The following CNTROB variants were observed in gnomAD, a reference collection of about 807,000 sequenced individuals.
CNTROB encodes centrobin.
Under a neutral mutation model 115.7 loss-of-function variants are expected in CNTROB, and 82 were observed. The ratio of observed to expected loss-of-function variants is 0.71; its 90% CI spans 0.59 to 0.85. The LOEUF (loss-of-function observed/expected upper bound fraction) is 0.85. Ranked by LOEUF, CNTROB falls within the 40% of genes least tolerant of loss-of-function variation. The pLI, the probability that CNTROB is intolerant of heterozygous loss-of-function variation, is 0.00. For missense variants in CNTROB, 1,014 were observed against 1,144.4 expected, an observed-to-expected ratio of 0.89 and a Z score of 1.64; for synonymous variants, 439 against 456.4, an observed-to-expected ratio of 0.96 and a Z score of 0.49.
chr17:7,943,628 C>A lies in CNTROB; in HGVS notation c.1445+104C>A. 7.9e-7 allele frequency: 1 copy of A among 1,262,828 alleles called. No individual in the cohort carries two copies. Among genetic ancestry groups the A allele is most frequent in the Non-Finnish European group, 1.1e-6 (1 of 929,888 alleles). 78.2% of individuals were successfully genotyped at this position (1,262,828 alleles called of 1,614,324 possible). On this transcript the variant is annotated intron_variant, in intron 10 of 18. Transcript: ENST00000563694. The surrounding 1 kb of genome is among the most constrained non-coding windows in gnomAD (Gnocchi z 4.7). The stretch of plus-strand genomic sequence containing the variant: ...CCTTTGCCATGGTCCAGCACTGTGA[C>A]TCCCAGGGTGCGCTAACTCCCATCA...
rs150125113 is a variant in CNTROB, at chr17:7,944,600, C to A, written c.1696C>A (p.Gln566Lys). ...GCAGGCCCACTGGGATGAGGCCAAC[C>A]AGCTGCTCAGCACCACTCTCCCGCC... The part of the protein sequence containing the change: ...MLQAHWDEAN[Q>K]LLSTTLPPPN... Residue 566 changes from glutamine (Q) to lysine (K), a missense_variant, in exon 12 of 19, where the codon CAG becomes AAG. Gln to Lys is a moderately conservative substitution (Grantham distance 53). Coordinates refer to ENST00000563694, the MANE Select transcript of CNTROB (RefSeq NM_053051.5). This position sits in a 1 kb window ranked among gnomAD's most constrained non-coding sequence, Gnocchi z 4.0. 70 of 1,613,922 alleles carry A rather than the reference C, an allele frequency of 4.3e-5. No individual in the cohort carries two copies. In the African/African-American group the frequency reaches 8.1e-4, roughly 19 times the overall value.
At position 7,933,246 on chromosome 17, in the gene CNTROB, TG is replaced by T. The variant is rs1972731722; in HGVS notation, c.168del (p.Tyr57IlefsTer12). On this transcript the variant is annotated frameshift_variant, in exon 1 of 19. Coordinates refer to ENST00000563694, the MANE Select transcript of CNTROB (RefSeq NM_053051.5). LOFTEE classifies it high-confidence loss of function. ...GCGGAGGCCACGGCCCGAGCCCAGC[TG>T]TATTTACCCTCCACCTCCCCGCCTC... ...RQAEATARAQ[L>X]YLPSTSPPHE... 9.9e-6 allele frequency: 16 copies of T among 1,614,248 alleles called. No homozygotes were observed. Among genetic ancestry groups the T allele is most frequent in the Non-Finnish European group, 1.4e-5 (16 of 1,180,052 alleles).
rs1269315798 is a variant in CNTROB at position 7,947,492 on chromosome 17, A to T, written c.1994-79A>T. 8 of 1,363,700 alleles carry T rather than the reference A, an allele frequency of 5.9e-6. No individual in the cohort carries two copies. The East Asian group carries it at 1.9e-4, about 32-fold the overall frequency. 84.5% of individuals were successfully genotyped at this position (1,363,700 alleles called of 1,614,324 possible). A position where few individuals can be genotyped will look rare whatever the true frequency, so the allele number is the denominator to read the frequency against. The stretch of plus-strand genomic sequence containing the variant: ...TTTAATAGGCCCCTTTCTTCTGAGT[A>T]TTAGGTGAGTTGATTTGTGGAGAAG... On this transcript the variant is annotated intron_variant, in intron 13 of 18. Transcript: ENST00000563694.
chr17:7,946,135 AT>A, intron 13 of CNTROB, 149 bp downstream of exon 13: 1 of 699,106 alleles, frequency 1.4e-6, no homozygotes, highest in Middle Eastern at 4.0e-4. Context: ...ATCTGCTCAC[AT>A]TGGTCCAAAT....
chr17:7,939,481 C>T lies in CNTROB; in HGVS notation c.928-32C>T. The stretch of plus-strand genomic sequence containing the variant: ...AGATCGCTGGTCTCTGAAGAGCCTA[C>T]TAAGGAGCTTGGTTTTCTTCTGCGG... On this transcript the variant is annotated intron_variant, in intron 7 of 18. Coordinates refer to ENST00000563694, the MANE Select transcript of CNTROB (RefSeq NM_053051.5). The surrounding 1 kb of genome is among the most constrained non-coding windows in gnomAD (Gnocchi z 4.4). 6.3e-7 allele frequency: 1 copy of T among 1,592,190 alleles called. No homozygotes were observed. Among genetic ancestry groups the T allele is most frequent in the Non-Finnish European group, 8.6e-7 (1 of 1,160,762 alleles).
chr17:7,934,055 G>T, intron 1 of CNTROB, 83 bp from the exon 2 acceptor site: 2 of 1,138,316 alleles, frequency 1.8e-6, no homozygotes, highest in Non-Finnish European at 1.3e-6. Context: ...TTTCCAAAGT[G>T]CTGGAGTGAA....
Position 7,936,801 on chromosome 17 carries a change from G to C in CNTROB, c.812G>C (p.Arg271Thr), listed in dbSNP as rs765343755. ...QEEHQAAELT[R>T]SKQQETVTRL... Reference sequence around the variant, plus strand: ...GAACACCAGGCAGCAGAGCTCACCAGAAGCAAGCAGCAGGAGGTGAGCGCC... The same window carrying C: ...GAACACCAGGCAGCAGAGCTCACCACAAGCAAGCAGCAGGAGGTGAGCGCC... Residue 271 changes from arginine (R) to threonine (T), a missense_variant, in exon 6 of 19, where the codon AGA (arginine) becomes ACA (threonine). Arg to Thr is a moderately conservative substitution (Grantham distance 71). Coordinates refer to ENST00000563694, the MANE Select transcript of CNTROB (RefSeq NM_053051.5). The C allele has an allele frequency of 4.3e-6, 6 of 1,407,820 alleles. No homozygotes were observed. The highest frequency in any genetic ancestry group is 2.3e-5 in the South Asian group (2 of 86,930). 87.2% of individuals were successfully genotyped at this position (1,407,820 alleles called of 1,614,324 possible).
chr17:7,940,045 C>T (rs1973666594), intron 8 of CNTROB, 51 bp from the exon 9 acceptor site: 1 of 1,521,786 alleles, frequency 6.6e-7, no homozygotes, highest in Admixed American at 2.1e-5. Context: ...GTGTAGGTAA[C>T]CAGGAGATAA....
chr17:7,941,596 C>T (rs1356446304), intron 9 of CNTROB, among the ~76,000 whole-genome samples: 5 of 87,030 alleles, frequency 5.7e-5, no homozygotes. Context: ...GAGACTCCAT[C>T]TCAAAAAAAA....
Position 7,936,704 on chromosome 17 carries a change from C to A in CNTROB, c.715C>A (p.Leu239Met). ...CATCTTACTTGCCCTACCTAAGACC[C>A]TGGCCCGTGTGGTGGAGGGCTGGAA... ...DTMIEQLDKT[L>M]ARVVEGWNRH... Residue 239 changes from leucine to methionine, a missense_variant, in exon 6 of 19, where the codon CTG becomes ATG. By Grantham distance (15) the Leu-to-Met change is conservative (BLOSUM62 2). Transcript: ENST00000563694. The A allele has an allele frequency of 7.1e-7, 1 of 1,406,680 alleles. No individual in the cohort carries two copies. The highest frequency in any genetic ancestry group is 1.0e-6 in the Non-Finnish European group (1 of 990,530). 87.1% of individuals were successfully genotyped at this position (1,406,680 alleles called of 1,614,324 possible).
chr17:7,945,813 T>A lies in CNTROB; in HGVS notation c.1820T>A (p.Val607Glu). Residue 607 changes from valine to glutamate, a missense_variant, in exon 13 of 19, where the codon GTG (valine) becomes GAG (glutamate). Transcript: ENST00000563694. Reference sequence around the variant, plus strand: ...GTCTGGACTATGCCTCCCATGGCCGTGGCCCTGAAGCCTGTATTGCAGCAG... The same window carrying A: ...GTCTGGACTATGCCTCCCATGGCCGAGGCCCTGAAGCCTGTATTGCAGCAG... ...RRVWTMPPMA[V>E]ALKPVLQQSR... is the part of the protein sequence containing the mutation. 3 of 1,614,214 alleles carry A rather than the reference T, an allele frequency of 1.9e-6. No homozygotes were observed. Among genetic ancestry groups the A allele is most frequent in the Non-Finnish European group, 2.5e-6 (3 of 1,180,024 alleles).
rs1411739893 is a variant in CNTROB at position 7,947,915 on chromosome 17, G to A, written c.2146-1G>A. 2 of 1,613,754 alleles carry A rather than the reference G, an allele frequency of 1.2e-6. No individual in the cohort carries two copies. The highest frequency in any genetic ancestry group is 2.7e-5 in the African/African-American group (2 of 74,896). ...AACTTGACAATCTTATTCACCCACA[G>A]TTGCTGGAGACAGTGCCCCAGAACA... is the stretch of plus-strand genomic sequence containing the variant. On this transcript the variant is annotated splice_acceptor_variant, in intron 14 of 18. Coordinates refer to ENST00000563694, the MANE Select transcript of CNTROB (RefSeq NM_053051.5). LOFTEE classifies it high-confidence loss of function.
At chr17:7,938,463 G>A (rs1973464912) in intron 7 of CNTROB, among the ~76,000 whole-genome samples, 1 of 152,208 alleles carries the variant, frequency 6.6e-6, no homozygotes, top group East Asian at 1.9e-4. Flanking sequence ...GATGATGATG[G>A]GTGATGGTTC....
chr17:7,935,269 T>C, intron 4 of CNTROB, 124 bp downstream of exon 4: 3 of 1,442,420 alleles, frequency 2.1e-6, no homozygotes, highest in Non-Finnish European at 2.9e-6. Context: ...TTTGGGAGGC[T>C]GAGGCAGGCG....
chr17:7,947,849 C>T (rs546597435), intron 14 of CNTROB, 67 bp from the exon 15 acceptor site: 1 of 1,607,908 alleles, frequency 6.2e-7, no homozygotes, highest in African/African-American at 1.3e-5. Context: ...CCAGCTTCTT[C>T]TCTCAGATCC....
At chr17:7,937,297 G>T in intron 7 of CNTROB, 35 bp downstream of exon 7, 1 of 1,612,214 alleles carries the variant, frequency 6.2e-7, no homozygotes, top group South Asian at 1.1e-5. Context: ...TCCACTGGAA[G>T]CTGTTAATTA....
Position 7,947,584 on chromosome 17 carries a change from T to C in CNTROB, c.2007T>C (p.Ser669=), listed in dbSNP as rs1415885176. The change falls in exon 14 of 19, where the codon TCT becomes TCC. Residue 669 remains serine (S), a synonymous_variant. Coordinates refer to ENST00000563694, the MANE Select transcript of CNTROB (RefSeq NM_053051.5). ...DLTSSTAGAF[S]ALGAFHPDHR... is the part of the protein sequence containing the mutation. ...TTCACTTTATAGCTGGGGCCTTCTC[T>C]GCACTTGGGGCCTTCCATCCCGATC... 4.4e-6 allele frequency: 7 copies of C among 1,607,570 alleles called. No individual in the cohort carries two copies. Among genetic ancestry groups the C allele is most frequent in the Non-Finnish European group, 4.3e-6 (5 of 1,175,252 alleles).
In CNTROB at chr17:7,933,109, A is replaced by C. The variant is rs777475790; in HGVS notation, c.30A>C (p.Ser10=). The C allele has an allele frequency of 3.7e-6, 6 of 1,613,514 alleles. No individual in the cohort carries two copies. The highest frequency in any genetic ancestry group is 2.2e-5 in the South Asian group (2 of 91,044). ...CAACATCAGCTGACAGCCCCAGTTC[A>C]CCCCTCGGGGCGGAGGATCTCCTGA... MATSADSPS[S]PLGAEDLLSD... is the part of the protein sequence containing the mutation. The change falls in exon 1 of 19, where the codon TCA becomes TCC. Residue 10 remains serine (S), a synonymous_variant. Transcript: ENST00000563694.
intron 9 of CNTROB, 49 bp downstream of exon 9, chr17:7,940,291 T>C (rs1332549061): frequency 6.4e-5 from 98 of 1,524,740 alleles, no homozygotes; most frequent in Non-Finnish European, 8.5e-5. Context: ...GAAGTAGATC[T>C]GAGGCAGAGG....
Sources: allele counts gnomAD v4.1 joint callset (sites outside exome capture counted in the v4.1 genomes callset), GRCh38; gene constraint gnomAD v4.1.1; non-coding constraint Gnocchi (gnomAD v3.1); transcripts MANE v1.5; gene names NCBI Gene and HGNC (gene_info 2026-07-23, HGNC 2026-07-21).